Variants in PKHD1L1 observed in about 807,000 individuals in gnomAD.
PKHD1L1 encodes PKHD1 like 1, also known as fibrocystin-L.
A neutral mutation model predicts 462.9 loss-of-function variants in PKHD1L1; 434 were observed. The observed-to-expected ratio is 0.94, with a 90% CI of 0.87 to 1.02. The LOEUF is 1.02. Ranked by LOEUF, PKHD1L1 falls within the 50% of genes least tolerant of loss-of-function variation. The pLI is 0.00. For missense variants in PKHD1L1, 5,202 were observed against 5,096.1 expected, an observed-to-expected ratio of 1.02 and a Z score of -0.63; for synonymous variants, 1,781 against 1,750.0, an observed-to-expected ratio of 1.02 and a Z score of -0.44.
chr8:109,420,817 A>T, intron 23 of PKHD1L1, 127 bp downstream of exon 23: 2 of 698,278 alleles, frequency 2.9e-6, no homozygotes, highest in South Asian at 5.8e-5. Context: ...TTATATGAAG[A>T]TTTGGAGTAT....
chr8:109,441,201 A>G (rs886352465), intron 33 of PKHD1L1, 74 bp from the exon 34 acceptor site: 25 of 989,472 alleles, frequency 2.5e-5, no homozygotes, highest in Non-Finnish European at 3.5e-5. Flanking sequence ...ATTATGCTTC[A>G]TCTCTATAAT....
chr8:109,436,284 T>A, intron 29 of PKHD1L1, 54 bp from the exon 30 acceptor site: 1 of 1,536,856 alleles, frequency 6.5e-7, no homozygotes, highest in Non-Finnish European at 8.8e-7. Flanking sequence ...TAACATTTCT[T>A]TTTGTTATAG....
intron 6 of PKHD1L1, among the ~76,000 whole-genome samples, chr8:109,387,406 C>T (rs548126665): frequency 6.6e-6 from 1 of 152,318 alleles, no homozygotes; most frequent in African/African-American, 2.4e-5. Flanking sequence ...GTTAAGAATA[C>T]TGACTGCAGC....
At position 109,427,034 on chromosome 8, in the gene PKHD1L1, C is replaced by T. The variant is rs779481778; in HGVS notation, c.2878C>T (p.Gln960Ter). 27 of 1,598,944 alleles carry T rather than the reference C, an allele frequency of 1.7e-5. No individual in the cohort carries two copies. The highest frequency in any genetic ancestry group is 2.2e-5 in the Non-Finnish European group (26 of 1,166,368). ...LPAAVSAADL[Q>*]FALQSLEGMG... ...CGCTGCTGTGTCAGCTGCAGATCTG[C>T]AGTTTGCACTCCAGAGTCTGGAGGG... Residue 960 changes from glutamine to a stop codon, truncating the protein, a stop_gained, in exon 25 of 78, where the codon CAG (glutamine) becomes TAG (stop). Transcript: ENST00000378402. LOFTEE classifies it high-confidence loss of function.
chr8:109,438,930 T>C lies in PKHD1L1; in HGVS notation c.3794T>C (p.Phe1265Ser), dbSNP rs1342432110. Reference protein sequence around the residue: ...EVNLTIKGYNFGNELTQNMAV... With the variant: ...EVNLTIKGYNSGNELTQNMAV... The stretch of plus-strand genomic sequence containing the variant: ...AATTTAACAATTAAGGGCTATAATT[T>C]TGGAAATGAACTCACACAAAACATG... The change falls in exon 32 of 78, where the codon TTT becomes TCT. Residue 1265 changes from phenylalanine (F) to serine (S), a missense_variant. Physicochemically the swap from Phe to Ser is radical, Grantham distance 155. Around this residue, in one of 3 missense-constraint regions of PKHD1L1, gnomAD observed 4,497 missense variants for 4,336.8 expected, o/e 1.04. Coordinates refer to ENST00000378402, the MANE Select transcript of PKHD1L1 (RefSeq NM_177531.6). 6.2e-7 allele frequency: 1 copy of C among 1,612,320 alleles called. No individual in the cohort carries two copies. Among genetic ancestry groups the C allele is most frequent in the South Asian group, 1.1e-5 (1 of 90,676 alleles).
At chr8:109,512,677 G>A (rs529211610) in intron 71 of PKHD1L1, among the ~76,000 whole-genome samples, 18 of 152,040 alleles carry the variant, frequency 1.2e-4, no homozygotes, top group Middle Eastern at 3.4e-3. Context: ...TTGGCGTTGC[G>A]GGCTCTTTTT....
chr8:109,461,868 C>G lies in PKHD1L1; in HGVS notation c.7343C>G (p.Pro2448Arg). 6.2e-7 allele frequency: 1 copy of G among 1,604,882 alleles called. No individual in the cohort carries two copies. Among genetic ancestry groups the G allele is most frequent in the Non-Finnish European group, 8.5e-7 (1 of 1,175,320 alleles). ...GGCVMFHAPV[P>R]GANMVTGRIE... is the part of the protein sequence containing the mutation. ...TGCGTTATGTTTCATGCTCCTGTAC[C>G]TGGTGCTAACATGGTAACTGGGAGA... Residue 2448 changes from proline (P) to arginine (R), a missense_variant, in exon 48 of 78, where the codon CCT becomes CGT. Physicochemically the swap from Pro to Arg is moderately radical, Grantham distance 103. This residue lies in a region of PKHD1L1 where 4,497 missense variants were observed against 4,336.8 expected (regional missense o/e 1.04). Coordinates refer to ENST00000378402, the MANE Select transcript of PKHD1L1 (RefSeq NM_177531.6).
intron 41 of PKHD1L1, 113 bp from the exon 42 acceptor site, chr8:109,452,011 A>T: frequency 1.1e-6 from 1 of 913,960 alleles, no homozygotes; most frequent in Non-Finnish European, 1.6e-6. Context: ...TTGGTGGCTG[A>T]TAGAATCAGG....
intron 61 of PKHD1L1, 136 bp from the exon 62 acceptor site, chr8:109,491,737 C>CT (rs1450734547): frequency 2.6e-5 from 21 of 817,172 alleles, no homozygotes; most frequent in Non-Finnish European, 2.1e-5. Flanking sequence ...CTTCGAAACT[C>CT]TAAGAGGATT....
rs200674125 is a variant in PKHD1L1 at position 109,461,476 on chromosome 8, C to T, written c.7247-296C>T. Among the ~76,000 whole-genome samples, 15 of 152,214 alleles carry T rather than the reference C, an allele frequency of 9.9e-5. No homozygotes were observed. In the East Asian group the frequency reaches 2.9e-3, roughly 29 times the overall value. ...AATCCTCAAATCTTGGGGAAGGCTTCATAAATAATAAAACTAAATCCCATT... is the reference window on the plus strand; with the variant it reads ...AATCCTCAAATCTTGGGGAAGGCTTTATAAATAATAAAACTAAATCCCATT... On this transcript the variant is annotated intron_variant, in intron 47 of 77. Coordinates refer to ENST00000378402, the MANE Select transcript of PKHD1L1 (RefSeq NM_177531.6).
rs551116868 is a variant in PKHD1L1, at chr8:109,411,030, G to T, written c.2085+1052G>T. On this transcript the variant is annotated intron_variant, in intron 19 of 77. Coordinates refer to ENST00000378402, the MANE Select transcript of PKHD1L1 (RefSeq NM_177531.6). ...ACTTGAGCCACCGCACCCGGCCTTG[G>T]TTTTTGTTTTCTTAGCTTGGATGCA... 1.8e-4 allele frequency among the ~76,000 whole-genome samples: 27 copies of T among 151,866 alleles called. 1 individual carries two copies. In the South Asian group the frequency reaches 4.8e-3, roughly 27 times the overall value.
intron 8 of PKHD1L1, among the ~76,000 whole-genome samples, chr8:109,390,200 T>C (rs1487460846): frequency 6.6e-6 from 1 of 152,218 alleles, no homozygotes; most frequent in East Asian, 1.9e-4. Flanking sequence ...TCTTTTATTA[T>C]TCTTCATTCA....
At chr8:109,528,330 T>C (rs1299570116) in intron 77 of PKHD1L1, among the ~76,000 whole-genome samples, 1 of 152,202 alleles carries the variant, frequency 6.6e-6, no homozygotes, top group Non-Finnish European at 1.5e-5. Context: ...TTAATGCCAG[T>C]GCCATTTTTG....
At chr8:109,435,886 C>T (rs1438266254) in intron 29 of PKHD1L1, among the ~76,000 whole-genome samples, 3 of 152,108 alleles carry the variant, frequency 2.0e-5, no homozygotes, top group Non-Finnish European at 2.9e-5. Flanking sequence ...TTTTATTTTA[C>T]ATTATTTCAT....
chr8:109,398,549 G>A lies in PKHD1L1; in HGVS notation c.1012+1G>A, dbSNP rs1433761164. On this transcript the variant is annotated splice_donor_variant, in intron 12 of 77. Coordinates refer to ENST00000378402, the MANE Select transcript of PKHD1L1 (RefSeq NM_177531.6). LOFTEE classifies it high-confidence loss of function. ...CATATTCTCAAAACTGTATATCCAG[G>A]TAAGTTACCATAAGGGACAATGGCC... 6.6e-7 allele frequency: 1 copy of A among 1,518,946 alleles called. No individual in the cohort carries two copies. The highest frequency in any genetic ancestry group is 1.2e-5 in the South Asian group (1 of 84,056). 94.1% of individuals were successfully genotyped at this position (1,518,946 alleles called of 1,614,324 possible).
chr8:109,486,733 T>A lies in PKHD1L1; in HGVS notation c.9792T>A (p.Val3264=). The A allele has an allele frequency of 6.2e-7, 1 of 1,612,512 alleles. No individual in the cohort carries two copies. The highest frequency in any genetic ancestry group is 8.5e-7 in the Non-Finnish European group (1 of 1,178,896). Residue 3264 remains valine, a synonymous_variant, in exon 59 of 78, where the codon GTT becomes GTA. Coordinates refer to ENST00000378402, the MANE Select transcript of PKHD1L1 (RefSeq NM_177531.6). The stretch of plus-strand genomic sequence containing the variant: ...TACTGAGTAGGAACATCAAAATAGT[T>A]GGTGAAGATTACCCCGGTTGGTCTG... ...VGILSRNIKI[V]GEDYPGWSED...
At chr8:109,374,906 C>T (rs57065002) in intron 2 of PKHD1L1, among the ~76,000 whole-genome samples, 10,315 of 152,178 alleles carry the variant, frequency 0.068, 528 homozygotes, top group Admixed American at 0.17. Context: ...GTGGGTAACC[C>T]GATCTTTCTC....
intron 12 of PKHD1L1, among the ~76,000 whole-genome samples, chr8:109,398,898 A>T (rs1185669303): frequency 6.6e-6 from 1 of 151,572 alleles, no homozygotes; most frequent in Non-Finnish European, 1.5e-5. Flanking sequence ...TTTTCTGATT[A>T]AAAAAAGATA....
chr8:109,396,022 C>A lies in PKHD1L1; in HGVS notation c.812-5C>A. ...GATATTTTATTTAATGTGGTTTTCC[C>A]CCAGAGGTCACCATGATTTTCCCTT... On this transcript the variant is annotated splice_polypyrimidine_tract_variant and splice_region_variant and intron_variant, in intron 10 of 77. Transcript: ENST00000378402. The A allele has an allele frequency of 6.3e-7, 1 of 1,575,444 alleles. No individual in the cohort carries two copies. The highest frequency in any genetic ancestry group is 8.7e-7 in the Non-Finnish European group (1 of 1,155,770).
Sources: gnomAD v4.1 joint callset for allele counts (sites outside exome capture counted in the v4.1 genomes callset) on GRCh38, gnomAD v4.1.1 for gene constraint, gnomAD v4.1.1 regional missense constraint, MANE v1.5 for transcripts, NCBI Gene and HGNC (gene_info 2026-07-23, HGNC 2026-07-21) for gene names.